The following ERBB3 variants were observed in gnomAD, a reference collection of about 807,000 sequenced individuals.
ERBB3 encodes the protein erb-b2 receptor tyrosine kinase 3.
A neutral mutation model predicts 156.7 loss-of-function variants in ERBB3; 96 were observed. That is an observed-to-expected ratio of 0.61 (90% confidence interval 0.52 to 0.73). The LOEUF is 0.73. Among genes scored for constraint, ERBB3 ranks in the 30% least tolerant of loss-of-function variants. The pLI, the probability that ERBB3 is intolerant of heterozygous loss-of-function variation, is 0.00. For synonymous variants in ERBB3, 567 were observed against 632.0 expected (o/e 0.90, Z 1.54); for missense variants, 1,406 against 1,709.4 (o/e 0.82, Z 3.13).
intron 9 of ERBB3, among the ~76,000 whole-genome samples, chr12:56,091,287 T>TTTATA (rs1868680886): frequency 1.6e-5 from 1 of 61,444 alleles, no homozygotes; most frequent in African/African-American, 5.4e-5. Flanking sequence ...TATATATATA[T>TTTATA]ATATATATAA....
chr12:56,087,552 T>C (rs1868525815), intron 4 of ERBB3, 25 bp from the exon 5 acceptor site: 1 of 1,606,088 alleles, frequency 6.2e-7, no homozygotes, highest in African/African-American at 1.3e-5. Flanking sequence ...TGATGGCCCC[T>C]TGTGTTGCCT....
chr12:56,099,023 A>G, intron 23 of ERBB3, 118 bp downstream of exon 23: 4 of 951,622 alleles, frequency 4.2e-6, no homozygotes, highest in Non-Finnish European at 6.3e-6. Context: ...GGTGCAATCA[A>G]TCTTGGCTCA....
Position 56,102,109 on chromosome 12 carries a change from AG to A in ERBB3, c.*57del. 2.0e-6 allele frequency: 3 copies of A among 1,513,898 alleles called. No individual in the cohort carries two copies. The highest frequency in any genetic ancestry group is 2.7e-6 in the Non-Finnish European group (3 of 1,101,556). The allele number at this position is 1,513,898 out of a possible 1,614,324, so 93.8% of individuals were successfully genotyped here. A position where few individuals can be genotyped will look rare whatever the true frequency, so the allele number is the denominator to read the frequency against. On this transcript the variant is annotated 3_prime_UTR_variant, in exon 28 of 28. Transcript: ENST00000267101. ...ATTTAATGGCAGCTAGTGCCTTTAG[AG>A]GGTACCGTCTTCTCCCTATTCCCTC...
Position 56,085,158 on chromosome 12 carries a change from A to C in ERBB3, c.398A>C (p.Gln133Pro), listed in dbSNP as rs540018426. Residue 133 changes from glutamine to proline, a missense_variant, in exon 3 of 28, where the codon CAG becomes CCG. Gln to Pro is a moderately conservative substitution (Grantham distance 76, BLOSUM62 -1). Around this residue, in one of 3 missense-constraint regions of ERBB3, gnomAD observed 979 missense variants for 1,219.6 expected, o/e 0.80. Transcript: ENST00000267101. ...ACCAACTCCAGCCACGCTCTGCGCC[A>C]GCTCCGCTTGACTCAGCTCACCGGT... Reference protein sequence around the residue: ...YNTNSSHALRQLRLTQLTEIL... With the variant: ...YNTNSSHALRPLRLTQLTEIL... 2 of 1,613,966 alleles carry C rather than the reference A, an allele frequency of 1.2e-6. No individual in the cohort carries two copies. Among genetic ancestry groups the C allele is most frequent in the Non-Finnish European group, 1.7e-6 (2 of 1,180,030 alleles).
At chr12:56,086,753 C>T in intron 4 of ERBB3, 97 bp downstream of exon 4, 1 of 1,484,084 alleles carries the variant, frequency 6.7e-7, no homozygotes, top group South Asian at 1.1e-5. Context: ...AACCCGCCTC[C>T]CCAGTGAACA....
At chr12:56,085,634 C>T (rs1041082884) in intron 3 of ERBB3, 5 of 220,672 alleles carry the variant, frequency 2.3e-5, no homozygotes, top group East Asian at 1.6e-4. Context: ...TATAGTGGTG[C>T]GCACCTGTAA....
chr12:56,099,495 C>T (rs892397422), intron 23 of ERBB3, among the ~76,000 whole-genome samples, 153 bp from the exon 24 acceptor site: 2 of 151,598 alleles, frequency 1.3e-5, no homozygotes, highest in African/African-American at 4.9e-5. Context: ...GATGGGGTTT[C>T]ACTATGTTGG....
At position 56,099,763 on chromosome 12, in the gene ERBB3, G is replaced by A. The variant is rs573887175; in HGVS notation, c.2937+18G>A. ...TCATAAAGGTGAGTAGGGAGTAGGA[G>A]GTGCTAAGGAAATTTAGAAAAAGGA... On this transcript the variant is annotated intron_variant, in intron 24 of 27. Transcript: ENST00000267101. 3 of 1,613,090 alleles carry A rather than the reference G, an allele frequency of 1.9e-6. No homozygotes were observed. Among genetic ancestry groups the A allele is most frequent in the South Asian group, 2.2e-5 (2 of 91,062 alleles).
In ERBB3 at chr12:56,087,541, C is replaced by A. The variant is rs775643757; in HGVS notation, c.548-36C>A. On this transcript the variant is annotated intron_variant, in intron 4 of 27. Transcript: ENST00000267101. ...TGATTAAAACAAGCCTTTCTTAGCCCTGATGGCCCCTTGTGTTGCCTTCCT... is the reference window on the plus strand; with the variant it reads ...TGATTAAAACAAGCCTTTCTTAGCCATGATGGCCCCTTGTGTTGCCTTCCT... 5 of 1,577,308 alleles carry A rather than the reference C, an allele frequency of 3.2e-6. No individual in the cohort carries two copies. The South Asian group carries it at 5.5e-5, about 17-fold the overall frequency.
At chr12:56,094,057 G>A (rs759472988) in intron 13 of ERBB3, 42 bp from the exon 14 acceptor site, 38 of 1,579,324 alleles carry the variant, frequency 2.4e-5, no homozygotes, top group Non-Finnish European at 3.3e-5. Flanking sequence ...TGAAGGTCAG[G>A]ACTTGGAAGT....
chr12:56,092,767 C>T lies in ERBB3; in HGVS notation c.1130C>T (p.Pro377Leu), dbSNP rs1034050608. 1 of 1,613,984 alleles carries T rather than the reference C, an allele frequency of 6.2e-7. No homozygotes were observed. The highest frequency in any genetic ancestry group is 1.7e-5 in the Admixed American group (1 of 59,992). The stretch of plus-strand genomic sequence containing the variant: ...TTCAGAGACCCCTGGCACAAGATCC[C>T]TGCCCTGGACCCAGAGAAGCTCAAT... ...GLNGDPWHKI[P>L]ALDPEKLNVF... Residue 377 changes from proline (P) to leucine (L), a missense_variant, in exon 10 of 28, where the codon CCT becomes CTT. Coordinates refer to ENST00000267101, the MANE Select transcript of ERBB3 (RefSeq NM_001982.4).
At position 56,101,130 on chromosome 12, in the gene ERBB3, T is replaced by G. The variant is rs761919744; in HGVS notation, c.3271T>G (p.Cys1091Gly). 1 of 1,613,948 alleles carries G rather than the reference T, an allele frequency of 6.2e-7. No homozygotes were observed. Among genetic ancestry groups the G allele is most frequent in the African/African-American group, 1.3e-5 (1 of 75,028 alleles). The change falls in exon 27 of 28, where the codon TGC becomes GGC. Residue 1091 changes from cysteine (C) to glycine (G), a missense_variant. This residue lies in a region of ERBB3 where 415 missense variants were observed against 454.1 expected (regional missense o/e 0.91). Transcript: ENST00000267101. ...CTCTCTACACCCAATGCCACGGGGATGCCTGGCATCAGAGTCATCAGAGGG... is the reference window on the plus strand; with the variant it reads ...CTCTCTACACCCAATGCCACGGGGAGGCCTGGCATCAGAGTCATCAGAGGG... ...PVSLHPMPRG[C>G]LASESSEGHV...
At chr12:56,088,983 T>A in intron 9 of ERBB3, 115 bp downstream of exon 9, 1 of 1,413,038 alleles carries the variant, frequency 7.1e-7, no homozygotes, top group Non-Finnish European at 1.0e-6. Context: ...CATAAAATTC[T>A]AGCCTGTTAC....
chr12:56,084,632 T>C (rs1222073333), intron 2 of ERBB3, among the ~76,000 whole-genome samples: 1 of 145,082 alleles, frequency 6.9e-6, no homozygotes, highest in Non-Finnish European at 1.5e-5. Flanking sequence ...TCGGATCACC[T>C]GAGGTCAGGA....
chr12:56,097,634 C>T lies in ERBB3; in HGVS notation c.2461-151C>T, dbSNP rs539054062. The stretch of plus-strand genomic sequence containing the variant: ...TCCCAAAACCAACCCTCCCCTTCCC[C>T]TGGAAAAACTGTCTTCCACAAAACC... On this transcript the variant is annotated intron_variant, in intron 20 of 27. Coordinates refer to ENST00000267101, the MANE Select transcript of ERBB3 (RefSeq NM_001982.4). 5 of 808,362 alleles carry T rather than the reference C, an allele frequency of 6.2e-6. No individual in the cohort carries two copies. The East Asian group carries it at 1.2e-4, about 20-fold the overall frequency. 50.1% of individuals were successfully genotyped at this position (808,362 alleles called of 1,614,324 possible).
chr12:56,080,213 A>G lies in ERBB3; in HGVS notation c.-88A>G. 1.9e-6 allele frequency: 2 copies of G among 1,064,032 alleles called. No individual in the cohort carries two copies. The highest frequency in any genetic ancestry group is 2.8e-6 in the Non-Finnish European group (2 of 710,900). 65.9% of individuals were successfully genotyped at this position (1,064,032 alleles called of 1,614,324 possible). A position where few individuals can be genotyped will look rare whatever the true frequency, so the allele number is the denominator to read the frequency against. On this transcript the variant is annotated 5_prime_UTR_variant, in exon 1 of 28. Coordinates refer to ENST00000267101, the MANE Select transcript of ERBB3 (RefSeq NM_001982.4). ...TCGCCGCAGCAGCCACCAATTCGCCAGCGGTTCAGGTGGCTCTTGCCTCGA... is the reference window on the plus strand; with the variant it reads ...TCGCCGCAGCAGCCACCAATTCGCCGGCGGTTCAGGTGGCTCTTGCCTCGA...
At position 56,096,775 on chromosome 12, in the gene ERBB3, A is replaced by G; in HGVS notation, c.2203A>G (p.Ile735Val). ...KGVWIPEGES[I>V]KIPVCIKVIE... ...AGTGTGGATCCCTGAGGGTGAATCA[A>G]TCAAGATTCCAGTCTGCATTAAAGT... is the stretch of plus-strand genomic sequence containing the variant. Residue 735 changes from isoleucine (I) to valine (V), a missense_variant, in exon 19 of 28, where the codon ATC becomes GTC. Ile to Val is a conservative substitution (Grantham distance 29, BLOSUM62 3). Coordinates refer to ENST00000267101, the MANE Select transcript of ERBB3 (RefSeq NM_001982.4). 6.2e-7 allele frequency: 1 copy of G among 1,613,936 alleles called. No individual in the cohort carries two copies. The highest frequency in any genetic ancestry group is 2.2e-5 in the East Asian group (1 of 44,866).
chr12:56,089,524 G>A (rs1868599235), intron 9 of ERBB3, among the ~76,000 whole-genome samples: 1 of 152,104 alleles, frequency 6.6e-6, no homozygotes, highest in Admixed American at 6.6e-5. Flanking sequence ...GAGGTGGGCG[G>A]ATTACGAGGT....
Position 56,088,049 on chromosome 12 carries a change from C to A in ERBB3, c.761C>A (p.Ala254Asp), listed in dbSNP as rs375740977. The A allele has an allele frequency of 2.5e-6, 4 of 1,614,078 alleles. No individual in the cohort carries two copies. Among genetic ancestry groups the A allele is most frequent in the Non-Finnish European group, 3.4e-6 (4 of 1,179,968 alleles). Residue 254 changes from alanine to aspartate, a missense_variant, in exon 7 of 28, where the codon GCC becomes GAC. Ala to Asp is a moderately radical substitution (Grantham distance 126). This residue lies in a region of ERBB3 where 979 missense variants were observed against 1,219.6 expected (regional missense o/e 0.80). Coordinates refer to ENST00000267101, the MANE Select transcript of ERBB3 (RefSeq NM_001982.4). ...TGCCGGCACTTCAATGACAGTGGAG[C>A]CTGTGTACCTCGCTGTCCACAGCCT... Reference protein sequence around the residue: ...FACRHFNDSGACVPRCPQPLV... With the variant: ...FACRHFNDSGDCVPRCPQPLV...
Sources: gnomAD v4.1 joint callset for allele counts (sites outside exome capture counted in the v4.1 genomes callset) on GRCh38, gnomAD v4.1.1 for gene constraint, gnomAD v4.1.1 regional missense constraint, MANE v1.5 for transcripts, NCBI Gene and HGNC (gene_info 2026-07-23, HGNC 2026-07-21) for gene names.